ANO3: variants seen among roughly 807,000 people sequenced by gnomAD.
ANO3 encodes anoctamin-3.
In ANO3, 99 loss-of-function variants were observed where a neutral mutation model predicts 144.8. The ratio of observed to expected loss-of-function variants is 0.68; its 90% confidence interval spans 0.58 to 0.81. ANO3 has a LOEUF of 0.81. ANO3 is among the 30% of genes least tolerant of loss of function. The pLI, the probability that ANO3 is intolerant of heterozygous loss-of-function variation, is 0.00. For synonymous variants in ANO3, 414 were observed against 392.6 expected (o/e 1.05, Z -0.64); for missense variants, 905 against 1,202.2 (o/e 0.75, Z 3.66).
chr11:26,346,512 T>A (rs1416192847), intron 1 of ANO3, among the ~76,000 whole-genome samples: 1 of 152,172 alleles, frequency 6.6e-6, no homozygotes, highest in African/African-American at 2.4e-5. Context: ...TACCTAATCT[T>A]TAGTGACATG....
chr11:26,192,960 A>T (rs75988104), intron 1 of ANO3, among the ~76,000 whole-genome samples: 1 of 152,022 alleles, frequency 6.6e-6, no homozygotes, highest in Non-Finnish European at 1.5e-5. Flanking sequence ...TGTGCAGGAC[A>T]TGCAGGTTTG....
Position 26,663,282 on chromosome 11 carries a change from A to T in ANO3, c.*2838A>T, listed in dbSNP as rs1853930275. ...TTTTCACTCAATAAATTATTATTTG[A>T]TATGGTATTTTCCCTATAATTTGCA... On this transcript the variant is annotated 3_prime_UTR_variant, in exon 27 of 27. Transcript: ENST00000256737. The T allele has an allele frequency of 6.6e-6, 1 of 152,022 alleles. No homozygotes were observed. The highest frequency in any genetic ancestry group is 1.5e-5 in the Non-Finnish European group (1 of 67,970). 9.4% of individuals were successfully genotyped at this position (152,022 alleles called of 1,614,324 possible).
At chr11:26,223,939 A>G (rs1852203825) in intron 1 of ANO3, among the ~76,000 whole-genome samples, 1 of 152,186 alleles carries the variant, frequency 6.6e-6, no homozygotes. Context: ...AACACCTCTC[A>G]CTAGGCTTAC....
chr11:26,204,879 T>C (rs183932017), intron 1 of ANO3, among the ~76,000 whole-genome samples: 1 of 152,124 alleles, frequency 6.6e-6, no homozygotes, highest in African/African-American at 2.4e-5. Flanking sequence ...ATTTGTACCT[T>C]GTGTTAATCT....
chr11:26,415,620 ATTTTCCTTTT>A (rs1344930155), intron 1 of ANO3, among the ~76,000 whole-genome samples: 6 of 151,978 alleles, frequency 3.9e-5, no homozygotes, highest in Non-Finnish European at 5.9e-5. Flanking sequence ...TTATTGTTCC[ATTTTCCTTTT>A]TAAAGAATAG....
At chr11:26,422,614 C>A (rs1386826447) in intron 1 of ANO3, among the ~76,000 whole-genome samples, 1 of 151,928 alleles carries the variant, frequency 6.6e-6, no homozygotes, top group African/African-American at 2.4e-5. Flanking sequence ...TCTTGAACTT[C>A]AGAGCTACAC....
In ANO3 at chr11:26,290,047, T is replaced by A. The variant is rs1187961699; in HGVS notation, c.155-19598T>A. Among the ~76,000 whole-genome samples the A allele has an allele frequency of 2.0e-5, 3 of 152,080 alleles. No homozygotes were observed. The South Asian group carries it at 6.2e-4, about 32-fold the overall frequency. ...TGCGAATCCATCTGGTCCTGGACTT[T>A]TTTTAGTTGGTAGGCTATTAATTAT... On this transcript the variant is annotated intron_variant, in intron 1 of 27. Transcript: ENST00000672621.
At chr11:26,486,360 CAAAAAAA>C (rs10681114) in intron 4 of ANO3, among the ~76,000 whole-genome samples, 2 of 74,334 alleles carry the variant, frequency 2.7e-5, no homozygotes, top group African/African-American at 5.3e-5. Context: ...GACTCTGTCT[CAAAAAAA>C]AAAAAAAAAA....
intron 1 of ANO3, among the ~76,000 whole-genome samples, chr11:26,297,808 T>TTG (rs1161408425): frequency 6.6e-6 from 1 of 152,214 alleles, no homozygotes; most frequent in Non-Finnish European, 1.5e-5. Flanking sequence ...AATGAGGCAG[T>TTG]CATTATTCAT....
chr11:26,218,341 C>T (rs1265939617), intron 1 of ANO3, among the ~76,000 whole-genome samples: 1 of 134,900 alleles, frequency 7.4e-6, no homozygotes, highest in Non-Finnish European at 1.7e-5. Flanking sequence ...GAACCCTTGA[C>T]TGGTAATTAT....
chr11:26,211,023 C>T (rs553225804), intron 1 of ANO3, among the ~76,000 whole-genome samples: 1 of 152,158 alleles, frequency 6.6e-6, no homozygotes, highest in South Asian at 2.1e-4. Flanking sequence ...GACATCGACA[C>T]AACTCTCCAC....
chr11:26,295,264 G>A (rs1854059897), intron 1 of ANO3, among the ~76,000 whole-genome samples: 1 of 151,866 alleles, frequency 6.6e-6, no homozygotes, highest in Admixed American at 6.6e-5. Flanking sequence ...ATGATAATAA[G>A]GTCTTTGTTT....
At chr11:26,555,177 A>T (rs1231720551) in intron 13 of ANO3, among the ~76,000 whole-genome samples, 2 of 152,212 alleles carry the variant, frequency 1.3e-5, no homozygotes, top group East Asian at 1.9e-4. Context: ...TTCCATAAAG[A>T]TGATAGAGAC....
At chr11:26,406,073 C>A (rs1243619744) in intron 1 of ANO3, among the ~76,000 whole-genome samples, 2 of 151,896 alleles carry the variant, frequency 1.3e-5, no homozygotes, top group African/African-American at 2.4e-5. Context: ...AGACTATTGT[C>A]ACAGTCCATT....
chr11:26,338,143 AG>A (rs1855241831), intron 1 of ANO3, among the ~76,000 whole-genome samples: 1 of 151,584 alleles, frequency 6.6e-6, no homozygotes, highest in Non-Finnish European at 1.5e-5. Context: ...CAAAAACAAC[AG>A]TAGAAGCTAA....
intron 1 of ANO3, among the ~76,000 whole-genome samples, chr11:26,311,729 CTGATA>C (rs1269547551): frequency 6.6e-6 from 1 of 152,154 alleles, no homozygotes; most frequent in East Asian, 1.9e-4. Flanking sequence ...CTCCTGTACT[CTGATA>C]TGTCTTTCTG....
At chr11:26,443,668 C>A in intron 2 of ANO3, 97 bp from the exon 3 acceptor site, 1 of 569,324 alleles carries the variant, frequency 1.8e-6, no homozygotes, top group South Asian at 3.1e-5. Context: ...GAAATTTCAT[C>A]ATGTTTGGCC....
chr11:26,575,845 C>T (rs538292890), intron 14 of ANO3, among the ~76,000 whole-genome samples: 109 of 152,214 alleles, frequency 7.2e-4, no homozygotes, highest in Middle Eastern at 3.4e-3. Context: ...TATTTAGGGT[C>T]TCACATAGTG....
At chr11:26,473,589 G>A (rs1214577903) in intron 4 of ANO3, among the ~76,000 whole-genome samples, 1 of 141,824 alleles carries the variant, frequency 7.1e-6, no homozygotes, top group African/African-American at 2.6e-5. Flanking sequence ...TATCAAAAAA[G>A]TGTTACCTAG....
Sources: allele counts gnomAD v4.1 joint callset (sites outside exome capture counted in the v4.1 genomes callset), GRCh38; gene constraint gnomAD v4.1.1; transcripts MANE v1.5; gene names NCBI Gene and HGNC (gene_info 2026-07-23, HGNC 2026-07-21).